SLC25A35: variants seen among roughly 807,000 people sequenced by gnomAD.
The protein encoded by SLC25A35 is solute carrier family 25, member 35.
In SLC25A35, 32 loss-of-function variants were observed where a neutral mutation model predicts 30.5. The ratio of observed to expected loss-of-function variants is 1.05; its 90% CI spans 0.79 to 1.41. The LOEUF (loss-of-function observed/expected upper bound fraction) is 1.41, where lower values mean the gene tolerates loss of function less well. SLC25A35 is among the 40% of genes most tolerant of loss of function. The pLI, the probability that SLC25A35 is intolerant of heterozygous loss-of-function variation, is 0.00. For synonymous variants in SLC25A35, 142 were observed against 158.1 expected (o/e 0.90, Z 0.77); for missense variants, 369 against 388.0 (o/e 0.95, Z 0.41).
intron 3 of SLC25A35, 42 bp downstream of exon 3, chr17:8,291,291 C>T (rs1368142326): frequency 1.9e-6 from 3 of 1,606,758 alleles, no homozygotes; most frequent in Admixed American, 1.7e-5. Flanking sequence ...CCCTCCCCTT[C>T]CCCCCTTCCC....
chr17:8,288,727 C>T (rs1265389446), downstream of SLC25A35: 2 of 1,581,822 alleles, frequency 1.3e-6, no homozygotes, highest in Non-Finnish European at 1.7e-6. Flanking sequence ...GAGCCGATGC[C>T]ACGTGACCCA....
At chr17:8,293,365 A>G (rs1432171035) in intron 1 of SLC25A35, among the ~76,000 whole-genome samples, 5 of 152,134 alleles carry the variant, frequency 3.3e-5, no homozygotes, top group African/African-American at 9.7e-5. Flanking sequence ...CTCAATATCA[A>G]CACATAATAA....
chr17:8,292,465 A>C, intron 2 of SLC25A35, 58 bp downstream of exon 2: 1 of 1,546,896 alleles, frequency 6.5e-7, no homozygotes, highest in South Asian at 1.1e-5. Context: ...TGCAGGCAGA[A>C]AGCTAGGGGA....
downstream of SLC25A35, chr17:8,288,634 C>A (rs1990226835): frequency 4.6e-6 from 4 of 873,602 alleles, no homozygotes; most frequent in South Asian, 5.6e-5. Flanking sequence ...GATTGGCCAA[C>A]GAGAGCGCAG....
At chr17:8,289,355 C>G, downstream of SLC25A35, 1 of 1,614,130 alleles carries the variant, frequency 6.2e-7, no homozygotes, top group Non-Finnish European at 8.5e-7. Context: ...CCTGAGGGGC[C>G]GCTGTCAAGA....
In SLC25A35 at chr17:8,295,329, C is replaced by A. The variant is rs564848049; in HGVS notation, c.-522G>T. 7.1e-6 allele frequency: 7 copies of A among 985,770 alleles called. No homozygotes were observed. The East Asian group carries it at 3.4e-4, about 48-fold the overall frequency. The allele number at this position is 985,770 out of a possible 1,614,324, so 61.1% of individuals were successfully genotyped here. The stretch of plus-strand genomic sequence containing the variant: ...ATGAGCGTCCCTGAGCGTCCCCAGG[C>A]AGCCACCGGAGCTCGCAGTAGCTTC... On this transcript the variant is annotated 5_prime_UTR_variant, in exon 1 of 5. Transcript: ENST00000577745.
intron 1 of SLC25A35, among the ~76,000 whole-genome samples, chr17:8,292,987 T>C (rs1990611618): frequency 6.6e-6 from 1 of 152,210 alleles, no homozygotes; most frequent in African/African-American, 2.4e-5. Flanking sequence ...CATCAGACTC[T>C]GGGCAAAACT....
At chr17:8,293,917 T>C (rs1361571758) in intron 1 of SLC25A35, among the ~76,000 whole-genome samples, 6 of 13,202 alleles carry the variant, frequency 4.5e-4, no homozygotes, top group East Asian at 3.2e-3. Context: ...CCCATAATCT[T>C]TTTTTTTTTT....
intron 3 of SLC25A35, 57 bp from the exon 4 acceptor site, chr17:8,291,033 C>T: frequency 6.2e-7 from 1 of 1,602,244 alleles, no homozygotes; most frequent in East Asian, 2.2e-5. Context: ...ACCCCAAGGA[C>T]AGGACAGTCC....
Position 8,295,002 on chromosome 17 carries a change from A to C in SLC25A35, c.-195T>G. ...CGTCAGCTGGAATTTGGGAGTCAAG[A>C]GCTGGCAAGCAGGGAAGAGATAGAA... On this transcript the variant is annotated 5_prime_UTR_variant, in exon 1 of 5. Transcript: ENST00000577745. 2 of 1,398,000 alleles carry C rather than the reference A, an allele frequency of 1.4e-6. No individual in the cohort carries two copies. Among genetic ancestry groups the C allele is most frequent in the Non-Finnish European group, 9.3e-7 (1 of 1,080,708 alleles). The allele number at this position is 1,398,000 out of a possible 1,614,324, so 86.6% of individuals were successfully genotyped here. A position where few individuals can be genotyped will look rare whatever the true frequency, so the allele number is the denominator to read the frequency against.
rs1315448275 is a variant in SLC25A35, at chr17:8,292,551, A to G, written c.413T>C (p.Ile138Thr). 5.0e-6 allele frequency: 8 copies of G among 1,614,062 alleles called. No individual in the cohort carries two copies. The highest frequency in any genetic ancestry group is 5.9e-6 in the Non-Finnish European group (7 of 1,180,004). The part of the protein sequence containing the change: ...THLQAQAASE[I>T]AVGHQYKHQG... ...ATGCTTATACTGGTGCCCTACAGCA[A>G]TTTCTGAGGCTGCCTGTGCCTGCAG... Residue 138 changes from isoleucine to threonine, a missense_variant, in exon 2 of 5, where the codon ATT (isoleucine) becomes ACT (threonine). By Grantham distance (89) the Ile-to-Thr change is moderately conservative. Transcript: ENST00000577745.
chr17:8,294,845 G>C lies in SLC25A35; in HGVS notation c.-38C>G, dbSNP rs1166623349. On this transcript the variant is annotated 5_prime_UTR_variant, in exon 1 of 5. Transcript: ENST00000577745. ...GTAGCAGGAACTGACCCAAGAGTAA[G>C]AAAGTAAAAATGGGTGTCAGAAAGC... The C allele has an allele frequency of 6.6e-7, 1 of 1,526,182 alleles. No individual in the cohort carries two copies. Among genetic ancestry groups the C allele is most frequent in the Admixed American group, 2.2e-5 (1 of 46,288 alleles). 94.5% of individuals were successfully genotyped at this position (1,526,182 alleles called of 1,614,324 possible).
At chr17:8,291,118 G>C in intron 3 of SLC25A35, 142 bp from the exon 4 acceptor site, 1 of 1,322,832 alleles carries the variant, frequency 7.6e-7, no homozygotes, top group Non-Finnish European at 1.0e-6. Flanking sequence ...AAAACAGTGA[G>C]AAGGAGGAAG....
At position 8,291,327 on chromosome 17, in the gene SLC25A35, C is replaced by A; in HGVS notation, c.594+6G>T. On this transcript the variant is annotated splice_donor_region_variant and intron_variant, in intron 3 of 4. Transcript: ENST00000577745. ...GAAACAGACCCACCCATTTCCCAGG[C>A]AGTACCTCCCACTGGCTCAGGAGGT... The A allele has an allele frequency of 6.2e-7, 1 of 1,613,876 alleles. No homozygotes were observed. The highest frequency in any genetic ancestry group is 8.5e-7 in the Non-Finnish European group (1 of 1,179,844).
chr17:8,292,611 G>C, intron 1 of SLC25A35, 23 bp from the exon 2 acceptor site: 1 of 1,613,068 alleles, frequency 6.2e-7, no homozygotes, highest in Non-Finnish European at 8.5e-7. Context: ...GAATATCATA[G>C]CCTGTGCCCC....
intron 4 of SLC25A35, 49 bp downstream of exon 4, chr17:8,290,793 G>A: frequency 6.2e-7 from 1 of 1,606,652 alleles, no homozygotes; most frequent in Non-Finnish European, 8.5e-7. Flanking sequence ...CCCGCAATCT[G>A]CCTTCCCCAT....
chr17:8,294,326 G>T, intron 1 of SLC25A35, 107 bp downstream of exon 1: 1 of 1,250,870 alleles, frequency 8.0e-7, no homozygotes, highest in Non-Finnish European at 1.1e-6. Context: ...GCCTTTCCCT[G>T]CTTGCAGTGG....
At chr17:8,288,495 C>T (rs1990219449), downstream of SLC25A35, 5 of 505,570 alleles carry the variant, frequency 9.9e-6, no homozygotes, top group Admixed American at 1.6e-4. Flanking sequence ...CTCGTGACCA[C>T]CGGGGGCGAC....
intron 2 of SLC25A35, among the ~76,000 whole-genome samples, chr17:8,292,119 T>C (rs959157230): frequency 1.3e-5 from 2 of 151,978 alleles, no homozygotes; most frequent in African/African-American, 4.8e-5. Flanking sequence ...GAGGTGGAGG[T>C]TGCAGTGAGC....
Sources: allele counts gnomAD v4.1 joint callset (sites outside exome capture counted in the v4.1 genomes callset), GRCh38; gene constraint gnomAD v4.1.1; transcripts MANE v1.5; gene names NCBI Gene and HGNC (gene_info 2026-07-23, HGNC 2026-07-21).